Variants in CD163L1 observed in about 807,000 individuals in gnomAD.
The protein encoded by CD163L1 is scavenger receptor cysteine-rich type 1 protein M160.
A neutral mutation model predicts 165.4 loss-of-function variants in CD163L1; 124 were observed. That is an observed-to-expected ratio of 0.75 (90% CI 0.65 to 0.87). The LOEUF (loss-of-function observed/expected upper bound fraction) is 0.87. CD163L1 is among the 40% of genes least tolerant of loss of function. The probability of loss-of-function intolerance (pLI) is 0.00; values close to 1 mark genes in which losing one functional copy is unlikely to be tolerated. For missense variants in CD163L1, 1,525 were observed against 1,799.9 expected, an observed-to-expected ratio of 0.85 and a Z score of 2.76; for synonymous variants, 585 against 662.2, an observed-to-expected ratio of 0.88 and a Z score of 1.79.
downstream of CD163L1, among the ~76,000 whole-genome samples, chr12:7,351,249 C>G (rs764878147): frequency 6.6e-6 from 1 of 152,050 alleles, no homozygotes; most frequent in Non-Finnish European, 1.5e-5. Context: ...GTATGTATGT[C>G]TATTTTTCCA....
At chr12:7,367,353 T>C in intron 17 of CD163L1, 22 bp from the exon 18 acceptor site, 1 of 1,531,140 alleles carries the variant, frequency 6.5e-7, no homozygotes, top group Non-Finnish European at 9.0e-7. Context: ...TGCTTCATGG[T>C]TAGGATTCAA....
the CD163L1 span, among the ~76,000 whole-genome samples, chr12:7,326,588 T>C: frequency 2.8e-4 from 42 of 152,254 alleles, no homozygotes; most frequent in African/African-American, 9.6e-4. Flanking sequence ...AACCACATAT[T>C]CTCTAGGAAC....
At chr12:7,350,730 G>A (rs1946701236), downstream of CD163L1, among the ~76,000 whole-genome samples, 1 of 152,084 alleles carries the variant, frequency 6.6e-6, no homozygotes, top group African/African-American at 2.4e-5. Context: ...TACCCAAACA[G>A]ATGTTAGAAA....
At chr12:7,382,366 A>G (rs1004140986) in intron 8 of CD163L1, among the ~76,000 whole-genome samples, 1 of 152,140 alleles carries the variant, frequency 6.6e-6, no homozygotes, top group Admixed American at 6.5e-5. Context: ...AAAACGATCA[A>G]AACAGCAAGT....
downstream of CD163L1, among the ~76,000 whole-genome samples, chr12:7,343,043 A>G (rs909776255): frequency 3.9e-5 from 6 of 152,196 alleles, no homozygotes; most frequent in Non-Finnish European, 7.3e-5. Context: ...TCAATAAGAC[A>G]GCCAAGTGGA....
rs1045356816 is a variant in CD163L1 at position 7,432,172 on chromosome 12, G to A, written c.766+244C>T. ...GGTTTTTAGAAAAAAGATTTGATCG[G>A]CCTATGGAATACTGCTGAGTGATCA... is the stretch of plus-strand genomic sequence containing the variant. On this transcript the variant is annotated intron_variant, in intron 4 of 19. Coordinates refer to ENST00000313599, the MANE Select transcript of CD163L1 (RefSeq NM_174941.6). The surrounding 1 kb of genome is among the most constrained non-coding windows in gnomAD (Gnocchi z 4.2). Among the ~76,000 whole-genome samples, 1 of 152,172 alleles carries A rather than the reference G, an allele frequency of 6.6e-6. No individual in the cohort carries two copies. Among genetic ancestry groups the A allele is most frequent in the African/African-American group, 2.4e-5 (1 of 41,438 alleles).
chr12:7,401,636 A>G (rs1300256329), intron 6 of CD163L1, among the ~76,000 whole-genome samples: 3 of 152,104 alleles, frequency 2.0e-5, no homozygotes, highest in Admixed American at 1.3e-4. Context: ...CATTTATGCA[A>G]TATAGTAAGT....
chr12:7,430,170 AT>A (rs981354232), intron 4 of CD163L1, among the ~76,000 whole-genome samples: 1 of 152,212 alleles, frequency 6.6e-6, no homozygotes, highest in Non-Finnish European at 1.5e-5. Flanking sequence ...ACTAATTTGT[AT>A]CTTTATTTCA....
At chr12:7,330,348 G>A in the CD163L1 span, among the ~76,000 whole-genome samples, 42 of 152,240 alleles carry the variant, frequency 2.8e-4, no homozygotes, top group East Asian at 1.5e-3. Flanking sequence ...GTCCATTTCC[G>A]TAAGCTAACT....
intron 18 of CD163L1, among the ~76,000 whole-genome samples, chr12:7,364,434 G>T (rs1293229604): frequency 6.6e-6 from 1 of 152,110 alleles, no homozygotes; most frequent in Non-Finnish European, 1.5e-5. Context: ...GGAAGTCCCA[G>T]CCAGAGCAAT....
chr12:7,437,238 T>TATTTAAATAGTATTTAAATACTA (rs57252539), intron 2 of CD163L1, among the ~76,000 whole-genome samples: 2 of 84,286 alleles, frequency 2.4e-5, no homozygotes, highest in African/African-American at 9.2e-5. Flanking sequence ...AAGTATTTAC[T>TATTTAAATAGTATTTAAATACTA]TTTAAATAGT....
chr12:7,389,960 T>TTATATATATATATTTATATATA (rs1555197838), intron 8 of CD163L1, among the ~76,000 whole-genome samples: 2 of 135,964 alleles, frequency 1.5e-5, no homozygotes, highest in African/African-American at 5.6e-5. Flanking sequence ...ATATATATAT[T>TTATATATATATATTTATATATA]TATATATATA....
At chr12:7,332,371 C>T in the CD163L1 span, among the ~76,000 whole-genome samples, 3 of 151,278 alleles carry the variant, frequency 2.0e-5, no homozygotes. Flanking sequence ...AGGATATTAT[C>T]CAGGAGAACT....
At chr12:7,407,177 G>A (rs1948041183) in intron 4 of CD163L1, among the ~76,000 whole-genome samples, 1 of 152,102 alleles carries the variant, frequency 6.6e-6, no homozygotes, top group East Asian at 1.9e-4. Flanking sequence ...GTCAAAACAT[G>A]AGCCTTTGCT....
Position 7,373,631 on chromosome 12 carries a change from G to C in CD163L1, c.3419C>G (p.Ala1140Gly). ...DAGVICSEFT[A>G]LRLYSETETE... is the part of the protein sequence containing the mutation. ...TTCAGTTTCACTGTAGAGCCTCAAG[G>C]CTGTGAATTCTACAGAGAAATACAA... The change falls in exon 14 of 20, where the codon GCC (alanine) becomes GGC (glycine). Residue 1140 changes from alanine to glycine, a missense_variant. By Grantham distance (60) the Ala-to-Gly change is moderately conservative. Coordinates refer to ENST00000313599, the MANE Select transcript of CD163L1 (RefSeq NM_174941.6). 3 of 1,590,084 alleles carry C rather than the reference G, an allele frequency of 1.9e-6. No homozygotes were observed. The highest frequency in any genetic ancestry group is 2.6e-6 in the Non-Finnish European group (3 of 1,165,330).
At chr12:7,357,639 G>A (rs1946805360) in intron 18 of CD163L1, 153 bp from the exon 19 acceptor site, 1 of 490,092 alleles carries the variant, frequency 2.0e-6, no homozygotes, top group Non-Finnish European at 3.7e-6. Flanking sequence ...TTATCGTTTT[G>A]AAGTAAAATA....
chr12:7,369,590 G>A lies in CD163L1; in HGVS notation c.3806C>T (p.Thr1269Ile), dbSNP rs1330045377. 1.2e-6 allele frequency: 2 copies of A among 1,613,754 alleles called. No individual in the cohort carries two copies. The highest frequency in any genetic ancestry group is 1.7e-5 in the Admixed American group (1 of 59,986). ...CAGGTCCCAGGAGTCATCACACACTGTGCCCCAGGAGCCTGCGTGCCAGAT... is the reference window on the plus strand; with the variant it reads ...CAGGTCCCAGGAGTCATCACACACTATGCCCCAGGAGCCTGCGTGCCAGAT... The part of the protein sequence containing the change: ...VEIWHAGSWG[T>I]VCDDSWDLAE... The change falls in exon 15 of 20, where the codon ACA (threonine) becomes ATA (isoleucine). Residue 1269 changes from threonine to isoleucine, a missense_variant. Physicochemically the swap from Thr to Ile is moderately conservative, Grantham distance 89. Coordinates refer to ENST00000313599, the MANE Select transcript of CD163L1 (RefSeq NM_174941.6). The surrounding 1 kb of genome is among the most constrained non-coding windows in gnomAD (Gnocchi z 4.9).
chr12:7,377,407 A>G (rs932193989), intron 9 of CD163L1, among the ~76,000 whole-genome samples: 1 of 152,134 alleles, frequency 6.6e-6, no homozygotes, highest in Non-Finnish European at 1.5e-5. Flanking sequence ...TGTTCTTTTG[A>G]ACAGCACTAC....
chr12:7,373,197 C>A, intron 14 of CD163L1, 123 bp downstream of exon 14: 1 of 760,334 alleles, frequency 1.3e-6, no homozygotes, highest in Non-Finnish European at 2.1e-6. Flanking sequence ...GATAAATCAG[C>A]ACTTATTGTC....
Sources: allele counts gnomAD v4.1 joint callset (sites outside exome capture counted in the v4.1 genomes callset), GRCh38; gene constraint gnomAD v4.1.1; non-coding constraint Gnocchi (gnomAD v3.1); transcripts MANE v1.5; gene names NCBI Gene and HGNC (gene_info 2026-07-23, HGNC 2026-07-21).